CYP4F22: variants seen among roughly 807,000 people sequenced by gnomAD.
CYP4F22 encodes ultra-long-chain fatty acid omega-hydroxylase.
CYP4F22 carries 37 observed loss-of-function variants against 60.4 expected under a neutral mutation model. The ratio of observed to expected loss-of-function variants is 0.61; its 90% confidence interval spans 0.47 to 0.81. CYP4F22 has a LOEUF of 0.81. Ranked by LOEUF, CYP4F22 falls within the 30% of genes least tolerant of loss-of-function variation. The probability of loss-of-function intolerance (pLI) is 0.00; values close to 1 mark genes in which losing one functional copy is unlikely to be tolerated. For missense variants in CYP4F22, 655 were observed against 715.0 expected, an observed-to-expected ratio of 0.92 and a Z score of 0.96; for synonymous variants, 258 against 280.5, an observed-to-expected ratio of 0.92 and a Z score of 0.80.
intron 1 of CYP4F22, among the ~76,000 whole-genome samples, chr19:15,518,865 CAG>C (rs1400233274): frequency 6.6e-6 from 1 of 151,850 alleles, no homozygotes; most frequent in Non-Finnish European, 1.5e-5. Flanking sequence ...GGATGGAACT[CAG>C]GGGACCAGTG....
At chr19:15,518,035 A>C (rs895106734) in intron 1 of CYP4F22, among the ~76,000 whole-genome samples, 1 of 152,126 alleles carries the variant, frequency 6.6e-6, no homozygotes, top group Non-Finnish European at 1.5e-5. Flanking sequence ...GTTGTGGTCC[A>C]TGACAAAAAG....
intron 7 of CYP4F22, among the ~76,000 whole-genome samples, chr19:15,538,196 C>T (rs1004215823): frequency 2.0e-5 from 3 of 152,036 alleles, no homozygotes; most frequent in Admixed American, 6.6e-5. Context: ...TAATTCCTTC[C>T]CCATAGTCAT....
chr19:15,513,387 CAG>C (rs1971116265), intron 1 of CYP4F22, among the ~76,000 whole-genome samples: 1 of 124,006 alleles, frequency 8.1e-6, no homozygotes, highest in Admixed American at 9.2e-5. Context: ...TTTTTTGAGA[CAG>C]AGTCTCACTC....
intron 12 of CYP4F22, among the ~76,000 whole-genome samples, chr19:15,549,707 G>A (rs751463174): frequency 6.6e-6 from 1 of 151,622 alleles, no homozygotes; most frequent in Non-Finnish European, 1.5e-5. Context: ...GCTTGTGTCT[G>A]TAATCCCAGT....
intron 12 of CYP4F22, among the ~76,000 whole-genome samples, chr19:15,549,474 C>A (rs989896298): frequency 4.6e-5 from 7 of 151,826 alleles, no homozygotes; most frequent in Non-Finnish European, 7.4e-5. Flanking sequence ...TTGGGGAAGA[C>A]AATAAGCAAA....
At chr19:15,516,022 C>T (rs748001405) in intron 1 of CYP4F22, 17 of 152,020 alleles carry the variant, frequency 1.1e-4, no homozygotes, top group Admixed American at 2.6e-4. Context: ...CGCGCCCGGT[C>T]GAGACTCGGT....
intron 1 of CYP4F22, among the ~76,000 whole-genome samples, chr19:15,510,625 G>T (rs2144490727): frequency 6.6e-6 from 1 of 152,290 alleles, no homozygotes; most frequent in East Asian, 1.9e-4. Flanking sequence ...ATTATTAGTG[G>T]TTTTAAAACT....
rs774983507 is a variant in CYP4F22, at chr19:15,550,733, T to A, written c.1395T>A (p.Tyr465Ter). The change falls in exon 13 of 14, where the codon TAT (tyrosine) becomes TAA (stop). Residue 465 changes from tyrosine to a stop codon, truncating the protein, a stop_gained. Coordinates refer to ENST00000269703, the MANE Select transcript of CYP4F22 (RefSeq NM_173483.4). LOFTEE classifies it high-confidence loss of function. ...CACAGCAGCGCTCTCCACTGGCCTA[T>A]GTGCCCTTCTCTGCAGGACCCAGGT... ...DNPQQRSPLAYVPFSAGPRNC... is the reference protein window; with the variant it reads ...DNPQQRSPLA The A allele has an allele frequency of 3.1e-6, 5 of 1,614,112 alleles. No homozygotes were observed. The highest frequency in any genetic ancestry group is 1.3e-5 in the African/African-American group (1 of 74,944).
chr19:15,537,727 A>G, intron 6 of CYP4F22, 65 bp downstream of exon 6: 2 of 1,607,254 alleles, frequency 1.2e-6, no homozygotes, highest in Non-Finnish European at 8.5e-7. Context: ...GCTCCAACTC[A>G]TGCATGGGCA....
At chr19:15,537,023 G>A (rs1971401550) in intron 4 of CYP4F22, among the ~76,000 whole-genome samples, 1 of 152,200 alleles carries the variant, frequency 6.6e-6, no homozygotes, top group African/African-American at 2.4e-5. Context: ...TTGAGGCCAG[G>A]CACGATGGCT....
intron 3 of CYP4F22, among the ~76,000 whole-genome samples, chr19:15,528,578 C>T (rs1173461961): frequency 6.7e-6 from 1 of 149,036 alleles, no homozygotes; most frequent in Non-Finnish European, 1.5e-5. Flanking sequence ...GGTCTTCTTC[C>T]CCTATCTCAT....
At chr19:15,512,110 A>G (rs1346740418) in intron 1 of CYP4F22, among the ~76,000 whole-genome samples, 1 of 152,160 alleles carries the variant, frequency 6.6e-6, no homozygotes, top group Non-Finnish European at 1.5e-5. Flanking sequence ...CATGGCTAAC[A>G]TTTTGTGAGC....
intron 4 of CYP4F22, among the ~76,000 whole-genome samples, chr19:15,530,694 AAGG>A (rs1971333545): frequency 3.9e-5 from 6 of 152,268 alleles, no homozygotes; most frequent in Admixed American, 3.9e-4. Context: ...TGGCAGCAGG[AAGG>A]AGAAGTGCCA....
intron 3 of CYP4F22, 136 bp downstream of exon 3, chr19:15,525,694 G>A: frequency 2.4e-6 from 2 of 848,776 alleles, no homozygotes; most frequent in East Asian, 5.3e-5. Context: ...ATATGATGGG[G>A]TATGAGGCTG....
At position 15,535,952 on chromosome 19, in the gene CYP4F22, A is replaced by C. The variant is rs564779653; in HGVS notation, c.368-1409A>C. Reference sequence around the variant, plus strand: ...GGGAGAAGCATTCAAGTTCTCATACAGGATGAGGGAAGAGTGTTTGGGGCA... The same window carrying C: ...GGGAGAAGCATTCAAGTTCTCATACCGGATGAGGGAAGAGTGTTTGGGGCA... On this transcript the variant is annotated intron_variant, in intron 4 of 13. Transcript: ENST00000269703. Among the ~76,000 whole-genome samples, 6 of 152,344 alleles carry C rather than the reference A, an allele frequency of 3.9e-5. No homozygotes were observed. The South Asian group carries it at 1.0e-3, about 26-fold the overall frequency.
intron 1 of CYP4F22, among the ~76,000 whole-genome samples, chr19:15,519,321 G>A (rs1971193791): frequency 6.6e-6 from 1 of 150,648 alleles, no homozygotes; most frequent in Non-Finnish European, 1.5e-5. Context: ...GGAGTGCAAT[G>A]ATGCGACCTC....
rs140207736 is a variant in CYP4F22, at chr19:15,545,873, G to C, written c.1136+1594G>C. Among the ~76,000 whole-genome samples the C allele has an allele frequency of 5.5e-3, 841 of 152,238 alleles. 9 individuals carry two copies. The highest frequency in any genetic ancestry group is 0.019 in the African/African-American group (807 of 41,536). ...AAGTGGAGAAGATGTCTCAGGTTGAGAGAGTTGGGTGGGAGTTGGTGTGTA... is the reference window on the plus strand; with the variant it reads ...AAGTGGAGAAGATGTCTCAGGTTGACAGAGTTGGGTGGGAGTTGGTGTGTA... On this transcript the variant is annotated intron_variant, in intron 10 of 13. Transcript: ENST00000269703.
chr19:15,538,045 T>G, intron 7 of CYP4F22, 52 bp downstream of exon 7: 1 of 1,611,784 alleles, frequency 6.2e-7, no homozygotes, highest in African/African-American at 1.3e-5. Context: ...AGGAGCAAGA[T>G]GGTGGCAGGA....
chr19:15,525,190 G>C, intron 2 of CYP4F22, 146 bp from the exon 3 acceptor site: 1 of 782,876 alleles, frequency 1.3e-6, no homozygotes, highest in South Asian at 1.5e-5. Flanking sequence ...GCTGGTTGGA[G>C]ATCATGGCTG....
Sources: gnomAD v4.1 joint callset for allele counts (sites outside exome capture counted in the v4.1 genomes callset) on GRCh38, gnomAD v4.1.1 for gene constraint, MANE v1.5 for transcripts, NCBI Gene and HGNC (gene_info 2026-07-23, HGNC 2026-07-21) for gene names.